Variants in VAT1L observed in about 807,000 individuals in gnomAD.
VAT1L encodes putative NADPH-dependent quinone oxidoreductase VAT1L.
Under a neutral mutation model 44.1 loss-of-function variants are expected in VAT1L, and 34 were observed. The observed-to-expected ratio is 0.77, with a 90% CI of 0.59 to 1.03. VAT1L has a LOEUF of 1.03. Ranked by LOEUF, VAT1L falls within the 50% of genes least tolerant of loss-of-function variation. VAT1L has a pLI of 0.00. For synonymous variants in VAT1L, 253 were observed against 202.2 expected (o/e 1.25, Z -2.13); for missense variants, 615 against 538.8 (o/e 1.14, Z -1.40).
At chr16:77,935,499 TA>T (rs35559626) in intron 7 of VAT1L, among the ~76,000 whole-genome samples, 25,577 of 115,720 alleles carry the variant, frequency 0.22, 2,310 homozygotes, top group East Asian at 0.3. Context: ...TGACGGTTTA[TA>T]AAAAAAAAAA....
intron 3 of VAT1L, among the ~76,000 whole-genome samples, chr16:77,855,306 C>T (rs2016846856): frequency 6.6e-6 from 1 of 150,790 alleles, no homozygotes; most frequent in African/African-American, 2.4e-5. Flanking sequence ...TGCCACTGCA[C>T]TCCAGCCTGG....
chr16:77,885,094 G>C (rs901577162), intron 7 of VAT1L, among the ~76,000 whole-genome samples: 5 of 152,188 alleles, frequency 3.3e-5, no homozygotes, highest in Admixed American at 3.3e-4. Flanking sequence ...GGTTACAAGA[G>C]CATGTGTACA....
At chr16:77,930,821 A>G (rs61702082) in intron 7 of VAT1L, among the ~76,000 whole-genome samples, 3,647 of 152,246 alleles carry the variant, frequency 0.024, 147 homozygotes, top group African/African-American at 0.084. Context: ...GTCATTCTGG[A>G]AAGAGCAGGT....
chr16:77,808,684 C>G (rs2016207422), intron 1 of VAT1L, among the ~76,000 whole-genome samples: 1 of 152,136 alleles, frequency 6.6e-6, no homozygotes, highest in Non-Finnish European at 1.5e-5. Context: ...CAACCTCCAC[C>G]TACCGGGTTC....
chr16:77,842,326 G>A (rs2016715668), intron 3 of VAT1L, among the ~76,000 whole-genome samples: 1 of 152,166 alleles, frequency 6.6e-6, no homozygotes, highest in Non-Finnish European at 1.5e-5. Context: ...TCAGTGTCTG[G>A]CCCTGTACAA....
intron 7 of VAT1L, among the ~76,000 whole-genome samples, chr16:77,940,688 C>A (rs755649453): frequency 2.0e-5 from 3 of 152,078 alleles, no homozygotes; most frequent in Non-Finnish European, 2.9e-5. Flanking sequence ...ATTTTGCACC[C>A]AGCTCAATGA....
chr16:77,973,955 G>C (rs1009081702), intron 8 of VAT1L, among the ~76,000 whole-genome samples: 3 of 152,004 alleles, frequency 2.0e-5, no homozygotes, highest in Admixed American at 6.6e-5. Context: ...CTGACCTTGT[G>C]ATCCGCCCAC....
At chr16:77,931,822 A>G (rs1200067902) in intron 7 of VAT1L, among the ~76,000 whole-genome samples, 2 of 152,208 alleles carry the variant, frequency 1.3e-5, no homozygotes, top group Non-Finnish European at 2.9e-5. Flanking sequence ...TAGTAATTAT[A>G]TTTAAGTTCA....
intron 3 of VAT1L, among the ~76,000 whole-genome samples, chr16:77,858,575 G>C (rs1223616766): frequency 6.6e-6 from 1 of 152,092 alleles, no homozygotes; most frequent in Non-Finnish European, 1.5e-5. Flanking sequence ...AAATATTTTA[G>C]ACGAGTGAAC....
At chr16:77,947,664 C>G (rs962197922) in intron 7 of VAT1L, among the ~76,000 whole-genome samples, 1 of 152,222 alleles carries the variant, frequency 6.6e-6, no homozygotes, top group Non-Finnish European at 1.5e-5. Flanking sequence ...CTGTCACTCA[C>G]GCCCAGTCCC....
chr16:77,863,328 G>A (rs1336942376), intron 4 of VAT1L, among the ~76,000 whole-genome samples: 1 of 152,178 alleles, frequency 6.6e-6, no homozygotes, highest in Non-Finnish European at 1.5e-5. Flanking sequence ...AGCACCAAAG[G>A]GTCATGAATA....
At position 77,923,895 on chromosome 16, in the gene VAT1L, G is replaced by GCTGA. The variant is rs2017638633; in HGVS notation, c.1077+39097_1077+39100dup. Among the ~76,000 whole-genome samples, 3 of 152,302 alleles carry GCTGA rather than the reference G, an allele frequency of 2.0e-5. No individual in the cohort carries two copies. The South Asian group carries it at 6.2e-4, about 32-fold the overall frequency. Reference sequence around the variant, plus strand: ...GGTGTGTACAGGACCCATTTGTCAAGCTGACTGTCTCTCCACAAGCTTGGA... The same window carrying GCTGA: ...GGTGTGTACAGGACCCATTTGTCAAGCTGACTGACTGTCTCTCCACAAGCTTGGA... On this transcript the variant is annotated intron_variant, in intron 7 of 8. Transcript: ENST00000302536.
chr16:77,909,333 A>G (rs905317817), intron 7 of VAT1L, among the ~76,000 whole-genome samples: 2 of 152,122 alleles, frequency 1.3e-5, no homozygotes, highest in Non-Finnish European at 2.9e-5. Flanking sequence ...GCCTCTCTGC[A>G]GTAAGGATTA....
chr16:77,812,261 T>G (rs1468198279), intron 1 of VAT1L, among the ~76,000 whole-genome samples: 1 of 151,950 alleles, frequency 6.6e-6, no homozygotes, highest in Admixed American at 6.6e-5. Flanking sequence ...TTAGTAGAGA[T>G]AGGGTTTCAC....
intron 3 of VAT1L, among the ~76,000 whole-genome samples, chr16:77,833,534 C>T (rs1456009813): frequency 3.3e-5 from 5 of 151,834 alleles, no homozygotes; most frequent in Non-Finnish European, 5.9e-5. Context: ...GGGCAGATCA[C>T]GAGGTCAGGA....
intron 4 of VAT1L, among the ~76,000 whole-genome samples, chr16:77,868,447 C>A (rs1434879753): frequency 6.6e-6 from 1 of 152,176 alleles, no homozygotes; most frequent in African/African-American, 2.4e-5. Flanking sequence ...CACAGGTGAG[C>A]AATGCCTAAA....
chr16:77,872,463 G>C (rs2017042595), intron 4 of VAT1L, among the ~76,000 whole-genome samples: 1 of 152,086 alleles, frequency 6.6e-6, no homozygotes, highest in African/African-American at 2.4e-5. Flanking sequence ...AGGGAGACAG[G>C]AACGCAATTA....
chr16:77,788,595 G>A lies in VAT1L; in HGVS notation c.-88G>A. On this transcript the variant is annotated 5_prime_UTR_variant, in exon 1 of 9. Transcript: ENST00000302536. ...CAGCCGAGCATCCCACATTCAACAGGAGGAACCCGCGGGAGAGGAGCCCCA... is the reference window on the plus strand; with the variant it reads ...CAGCCGAGCATCCCACATTCAACAGAAGGAACCCGCGGGAGAGGAGCCCCA... 1 of 1,454,246 alleles carries A rather than the reference G, an allele frequency of 6.9e-7. No homozygotes were observed. The highest frequency in any genetic ancestry group is 9.3e-7 in the Non-Finnish European group (1 of 1,073,512). 90.1% of individuals were successfully genotyped at this position (1,454,246 alleles called of 1,614,324 possible). A position where few individuals can be genotyped will look rare whatever the true frequency, so the allele number is the denominator to read the frequency against.
chr16:77,860,085 G>A (rs2016900835), intron 3 of VAT1L, among the ~76,000 whole-genome samples: 8 of 152,132 alleles, frequency 5.3e-5, no homozygotes, highest in Admixed American at 5.2e-4. Context: ...GGGAGAATAG[G>A]CACATCTACA....
Sources: allele counts gnomAD v4.1 joint callset (sites outside exome capture counted in the v4.1 genomes callset), GRCh38; gene constraint gnomAD v4.1.1; transcripts MANE v1.5; gene names NCBI Gene and HGNC (gene_info 2026-07-23, HGNC 2026-07-21).